Variants in DPH6 observed in about 807,000 individuals in gnomAD.
The protein encoded by DPH6 is diphthine--ammonia ligase.
Under a neutral mutation model 38.2 loss-of-function variants are expected in DPH6, and 33 were observed. The observed-to-expected ratio is 0.86, with a 90% CI of 0.65 to 1.15. The LOEUF (loss-of-function observed/expected upper bound fraction) is 1.15. Among genes scored for constraint, DPH6 ranks in the 50% most tolerant of loss-of-function variants. The pLI, the probability that DPH6 is intolerant of heterozygous loss-of-function variation, is 0.00. For missense variants in DPH6, 325 were observed against 320.0 expected, an observed-to-expected ratio of 1.02 and a Z score of -0.12; for synonymous variants, 108 against 103.0, an observed-to-expected ratio of 1.05 and a Z score of -0.30.
chr15:35,300,028 A>G (rs747378851), intron 3 of DPH6, among the ~76,000 whole-genome samples: 8 of 152,238 alleles, frequency 5.3e-5, no homozygotes, highest in South Asian at 2.1e-4. Context: ...GGGCGCTTGT[A>G]CTAGGACTGT....
At chr15:35,439,637 A>G (rs978180848) in intron 5 of DPH6, among the ~76,000 whole-genome samples, 4 of 152,188 alleles carry the variant, frequency 2.6e-5, no homozygotes, top group African/African-American at 9.7e-5. Flanking sequence ...TAGTCCCTGT[A>G]CAAAGTTCCT....
At chr15:35,329,193 T>C (rs1439009884), downstream of DPH6, among the ~76,000 whole-genome samples, 1 of 152,192 alleles carries the variant, frequency 6.6e-6, no homozygotes, top group Non-Finnish European at 1.5e-5. Flanking sequence ...TGATAATCTA[T>C]AATACCAGGT....
chr15:35,509,538 T>C (rs959498622), intron 3 of DPH6, among the ~76,000 whole-genome samples: 1 of 152,184 alleles, frequency 6.6e-6, no homozygotes, highest in Non-Finnish European at 1.5e-5. Context: ...TAGAGACTTG[T>C]AACATTATCA....
chr15:35,253,746 T>G (rs1008273884), intron 3 of DPH6, among the ~76,000 whole-genome samples: 1 of 152,226 alleles, frequency 6.6e-6, no homozygotes, highest in Non-Finnish European at 1.5e-5. Context: ...CTCTTTGCTT[T>G]GAAACTATCT....
intron 3 of DPH6, among the ~76,000 whole-genome samples, chr15:35,537,896 T>C (rs1377473601): frequency 6.6e-6 from 1 of 152,108 alleles, no homozygotes; most frequent in Non-Finnish European, 1.5e-5. Flanking sequence ...CTTTAACGTA[T>C]GCGTCCACCA....
At chr15:35,495,804 TTTA>T (rs1482237800) in intron 3 of DPH6, among the ~76,000 whole-genome samples, 10 of 152,196 alleles carry the variant, frequency 6.6e-5, no homozygotes, top group African/African-American at 2.4e-4. Flanking sequence ...GACAGCAAGA[TTTA>T]TTATAAAGCT....
chr15:35,219,341 C>T (rs567141190), exon 4 of DPH6: 11 of 152,138 alleles, frequency 7.2e-5, no homozygotes, highest in Non-Finnish European at 1.6e-4. Context: ...TTATAATTCT[C>T]TGAGATAAGC....
At chr15:35,475,143 T>G (rs1176074331) in intron 3 of DPH6, among the ~76,000 whole-genome samples, 1 of 151,872 alleles carries the variant, frequency 6.6e-6, no homozygotes, top group East Asian at 1.9e-4. Flanking sequence ...TGATAAACAT[T>G]AAATATTTTC....
chr15:35,340,880 T>G (rs2052415501), intron 3 of DPH6, among the ~76,000 whole-genome samples: 1 of 152,156 alleles, frequency 6.6e-6, no homozygotes, highest in Non-Finnish European at 1.5e-5. Context: ...TCATGGAGTA[T>G]CTTACTGTGG....
intron 3 of DPH6, among the ~76,000 whole-genome samples, chr15:35,317,457 G>T (rs1183801796): frequency 7.2e-6 from 1 of 138,718 alleles, no homozygotes; most frequent in Non-Finnish European, 1.5e-5. Context: ...GAAAAAGAAG[G>T]AAAGAAAGAA....
chr15:35,158,296 T>C, the DPH6 span, among the ~76,000 whole-genome samples: 9 of 152,280 alleles, frequency 5.9e-5, no homozygotes, highest in East Asian at 1.9e-4. Context: ...TGATTGGCTA[T>C]ATAAGCATTT....
intron 6 of DPH6, among the ~76,000 whole-genome samples, chr15:35,388,810 T>G (rs1489304721): frequency 1.3e-5 from 2 of 152,210 alleles, no homozygotes; most frequent in African/African-American, 4.8e-5. Flanking sequence ...ATTCACTGAT[T>G]TTTTGAAGGG....
At chr15:35,250,443 T>C (rs1442162138) in intron 3 of DPH6, among the ~76,000 whole-genome samples, 1 of 152,124 alleles carries the variant, frequency 6.6e-6, no homozygotes, top group Admixed American at 6.5e-5. Context: ...TTTGGGTTTA[T>C]TTTTCCATTA....
chr15:35,534,290 T>C (rs976186890), intron 3 of DPH6, among the ~76,000 whole-genome samples: 6 of 150,498 alleles, frequency 4.0e-5, no homozygotes, highest in African/African-American at 1.5e-4. Flanking sequence ...GGCAGGAGAA[T>C]TGCTTGAACC....
intron 6 of DPH6, among the ~76,000 whole-genome samples, chr15:35,387,517 T>C (rs1054252561): frequency 6.6e-5 from 10 of 152,228 alleles, no homozygotes; most frequent in African/African-American, 1.9e-4. Context: ...TTTTATTTCA[T>C]TGAGCAGTAG....
intron 3 of DPH6, among the ~76,000 whole-genome samples, chr15:35,263,633 G>A (rs1285359631): frequency 6.6e-6 from 1 of 151,696 alleles, no homozygotes. Context: ...CTCAAACTGG[G>A]CTCAAGTGAT....
chr15:35,464,628 C>T (rs2054106326), intron 3 of DPH6, among the ~76,000 whole-genome samples: 1 of 152,124 alleles, frequency 6.6e-6, no homozygotes, highest in African/African-American at 2.4e-5. Flanking sequence ...CCTCACAATC[C>T]TAACTGTTGG....
intron 5 of DPH6, among the ~76,000 whole-genome samples, chr15:35,416,998 G>T (rs1464240356): frequency 6.6e-6 from 1 of 152,036 alleles, no homozygotes; most frequent in Non-Finnish European, 1.5e-5. Context: ...AATATATTCA[G>T]ATATAGAAGT....
chr15:35,481,160 T>C (rs2141149200), intron 3 of DPH6, among the ~76,000 whole-genome samples: 1 of 152,290 alleles, frequency 6.6e-6, no homozygotes, highest in East Asian at 1.9e-4. Flanking sequence ...TTAAATGTTA[T>C]TTAATTTTAA....
Sources: gnomAD v4.1 joint callset for allele counts (sites outside exome capture counted in the v4.1 genomes callset) on GRCh38, gnomAD v4.1.1 for gene constraint, MANE v1.5 for transcripts, NCBI Gene and HGNC (gene_info 2026-07-23, HGNC 2026-07-21) for gene names.